Variants in ABLIM1 observed in about 807,000 individuals in gnomAD.
The protein encoded by ABLIM1 is actin binding LIM protein 1.
Under a neutral mutation model 107.0 loss-of-function variants are expected in ABLIM1, and 40 were observed. The observed-to-expected ratio is 0.37, with a 90% CI of 0.29 to 0.49. The LOEUF (loss-of-function observed/expected upper bound fraction) is 0.49, where lower values mean the gene tolerates loss of function less well. Among genes scored for constraint, ABLIM1 ranks in the 20% least tolerant of loss-of-function variants. The pLI is 0.97. For missense variants in ABLIM1, 857 were observed against 1,008.5 expected (o/e 0.85, Z 2.04); for synonymous variants, 357 against 357.3 (o/e 1.00, Z 0.01).
Position 114,562,688 on chromosome 10 carries a change from T to G in ABLIM1, c.673+8609A>C, listed in dbSNP as rs149085616. ...GCCAGTACACCTTACTTCACATGCA[T>G]GCAAACTGCATCTTCATTCAAACAG... On this transcript the variant is annotated intron_variant, in intron 4 of 22. Coordinates refer to ENST00000533213, the MANE Select transcript of ABLIM1 (RefSeq NM_002313.7). Among the ~76,000 whole-genome samples the G allele has an allele frequency of 1.2e-4, 18 of 152,348 alleles. No individual in the cohort carries two copies. In the East Asian group the frequency reaches 3.5e-3, roughly 29 times the overall value.
intron 6 of ABLIM1, among the ~76,000 whole-genome samples, chr10:114,499,548 G>A (rs370596237): frequency 9.2e-5 from 14 of 152,152 alleles, no homozygotes; most frequent in African/African-American, 1.9e-4. Flanking sequence ...ACATTATTGC[G>A]CATAAGCAAC....
At chr10:114,687,363 T>C (rs1400260376), upstream of ABLIM1, among the ~76,000 whole-genome samples, 1 of 152,170 alleles carries the variant, frequency 6.6e-6, no homozygotes, top group African/African-American at 2.4e-5. Context: ...ATAATTTCCA[T>C]CACAGTTTCA....
At chr10:114,635,104 C>T (rs548272614) in intron 1 of ABLIM1, among the ~76,000 whole-genome samples, 6 of 152,326 alleles carry the variant, frequency 3.9e-5, no homozygotes, top group African/African-American at 1.4e-4. Flanking sequence ...CAATCTCATT[C>T]CACTCAGATG....
At chr10:114,753,727 T>C (rs1010634722) in intron 1 of ABLIM1, among the ~76,000 whole-genome samples, 2 of 152,208 alleles carry the variant, frequency 1.3e-5, no homozygotes, top group Non-Finnish European at 2.9e-5. Flanking sequence ...CAGTGCTTAT[T>C]ATAAATTTCT....
chr10:114,530,057 G>A (rs757404101), intron 6 of ABLIM1, among the ~76,000 whole-genome samples: 1 of 152,130 alleles, frequency 6.6e-6, no homozygotes, highest in Non-Finnish European at 1.5e-5. Flanking sequence ...AATAATCAAA[G>A]GGTGGGCAGA....
intron 1 of ABLIM1, among the ~76,000 whole-genome samples, chr10:114,653,894 A>G (rs1182447205): frequency 1.6e-4 from 24 of 152,228 alleles, no homozygotes; most frequent in Non-Finnish European, 2.9e-5. Context: ...CCCTTGCAAC[A>G]TCCAAGGGTT....
chr10:114,695,080 G>A (rs2141765560), intron 1 of ABLIM1, among the ~76,000 whole-genome samples: 1 of 152,324 alleles, frequency 6.6e-6, no homozygotes, highest in Middle Eastern at 3.4e-3. Flanking sequence ...AGTTTAGCAT[G>A]TAGGTCAAAG....
At chr10:114,747,372 T>C (rs112198700) in intron 1 of ABLIM1, among the ~76,000 whole-genome samples, 5,210 of 152,154 alleles carry the variant, frequency 0.034, 124 homozygotes, top group Middle Eastern at 0.092. Context: ...GGCCAAGCTG[T>C]AGGAAGGTCG....
chr10:114,581,261 G>T (rs1308655963), intron 2 of ABLIM1, among the ~76,000 whole-genome samples: 2 of 152,178 alleles, frequency 1.3e-5, no homozygotes, highest in Non-Finnish European at 2.9e-5. Context: ...ACAAAGTATG[G>T]GGGTGTCCAA....
At chr10:114,678,616 A>T (rs927776339) in intron 1 of ABLIM1, among the ~76,000 whole-genome samples, 2 of 152,206 alleles carry the variant, frequency 1.3e-5, no homozygotes, top group African/African-American at 4.8e-5. Flanking sequence ...TGCAGCAGAG[A>T]CCATTTGGCT....
chr10:114,652,495 G>C (rs2079296715), intron 1 of ABLIM1, among the ~76,000 whole-genome samples: 1 of 152,180 alleles, frequency 6.6e-6, no homozygotes, highest in East Asian at 1.9e-4. Flanking sequence ...GACAACACCT[G>C]GTGTGCTGCA....
chr10:114,544,641 G>A (rs2067090589), intron 6 of ABLIM1, among the ~76,000 whole-genome samples: 1 of 152,168 alleles, frequency 6.6e-6, no homozygotes, highest in African/African-American at 2.4e-5. Flanking sequence ...ACAGATGCAT[G>A]CATAGACATA....
the ABLIM1 span, among the ~76,000 whole-genome samples, chr10:114,794,288 T>C: frequency 1.4e-4 from 21 of 152,268 alleles, no homozygotes; most frequent in South Asian, 2.1e-4. Context: ...TGATATATTA[T>C]ATCTCTTTTG....
intron 1 of ABLIM1, among the ~76,000 whole-genome samples, chr10:114,680,188 C>T (rs191399479): frequency 6.6e-6 from 1 of 152,256 alleles, no homozygotes; most frequent in Non-Finnish European, 1.5e-5. Context: ...TTCATTATTA[C>T]GCGGGAGGCA....
At chr10:114,475,438 G>A (rs1238515500) in intron 8 of ABLIM1, among the ~76,000 whole-genome samples, 1 of 151,934 alleles carries the variant, frequency 6.6e-6, no homozygotes, top group Non-Finnish European at 1.5e-5. Flanking sequence ...TCCTTGCATC[G>A]TGTCTGTCTC....
chr10:114,795,882 A>G, the ABLIM1 span, among the ~76,000 whole-genome samples: 1 of 152,162 alleles, frequency 6.6e-6, no homozygotes, highest in South Asian at 2.1e-4. Flanking sequence ...CATACTAAAT[A>G]TTATTCCATA....
intron 1 of ABLIM1, among the ~76,000 whole-genome samples, chr10:114,727,607 G>C (rs887374657): frequency 6.6e-6 from 1 of 152,098 alleles, no homozygotes; most frequent in African/African-American, 2.4e-5. Context: ...TTCTTAAACG[G>C]GTCAAAAAAC....
At chr10:114,508,177 C>G (rs538398608) in intron 6 of ABLIM1, among the ~76,000 whole-genome samples, 2 of 152,194 alleles carry the variant, frequency 1.3e-5, no homozygotes, top group East Asian at 3.9e-4. Flanking sequence ...GTGGGACAAA[C>G]GTATCACAAA....
intron 6 of ABLIM1, among the ~76,000 whole-genome samples, chr10:114,529,389 C>T (rs999354163): frequency 9.2e-5 from 14 of 152,032 alleles, no homozygotes; most frequent in South Asian, 6.2e-4. Context: ...CCCAAAGTGC[C>T]GGGATTACAG....
Sources: gnomAD v4.1 joint callset for allele counts (sites outside exome capture counted in the v4.1 genomes callset) on GRCh38, gnomAD v4.1.1 for gene constraint, MANE v1.5 for transcripts, NCBI Gene and HGNC (gene_info 2026-07-23, HGNC 2026-07-21) for gene names.